The following DPP6 variants were observed in gnomAD, a reference collection of about 807,000 sequenced individuals.
DPP6 encodes the protein dipeptidyl peptidase like 6.
Under a neutral mutation model 122.6 loss-of-function variants are expected in DPP6, and 69 were observed. The ratio of observed to expected loss-of-function variants is 0.56; its 90% CI spans 0.46 to 0.69. The LOEUF (loss-of-function observed/expected upper bound fraction) is 0.69, where lower values mean the gene tolerates loss of function less well. Among genes scored for constraint, DPP6 ranks in the 30% least tolerant of loss-of-function variants. The probability of loss-of-function intolerance (pLI) is 0.00; values close to 1 mark genes in which losing one functional copy is unlikely to be tolerated. For missense variants in DPP6, 928 were observed against 1,116.9 expected (o/e 0.83, Z 2.41); for synonymous variants, 418 against 433.1 (o/e 0.97, Z 0.43).
At chr7:154,677,183 TCA>T (rs1432020157) in intron 7 of DPP6, among the ~76,000 whole-genome samples, 3 of 152,230 alleles carry the variant, frequency 2.0e-5, no homozygotes, top group African/African-American at 7.2e-5. Flanking sequence ...ATTTCCCACT[TCA>T]AGTGGACGGA....
At chr7:154,295,821 C>T (rs1444613707) in intron 1 of DPP6, among the ~76,000 whole-genome samples, 4 of 151,968 alleles carry the variant, frequency 2.6e-5, no homozygotes, top group African/African-American at 4.8e-5. Flanking sequence ...GTGTTTTGTG[C>T]GTATTTACAT....
At chr7:154,562,903 G>T (rs1283091543) in intron 4 of DPP6, among the ~76,000 whole-genome samples, 2 of 152,084 alleles carry the variant, frequency 1.3e-5, no homozygotes, top group African/African-American at 4.8e-5. Flanking sequence ...TCTGTATTCT[G>T]AAAACTGCAA....
chr7:154,585,734 A>T (rs1832398022), intron 5 of DPP6, among the ~76,000 whole-genome samples: 2 of 152,352 alleles, frequency 1.3e-5, no homozygotes, highest in Non-Finnish European at 1.5e-5. Context: ...ACAAGAAAAA[A>T]TCTGCACATG....
At chr7:154,489,696 C>A (rs920303344) in intron 3 of DPP6, among the ~76,000 whole-genome samples, 1 of 152,018 alleles carries the variant, frequency 6.6e-6, no homozygotes, top group Non-Finnish European at 1.5e-5. Flanking sequence ...CCCCTCTTCT[C>A]TGAATATTTT....
intron 1 of DPP6, among the ~76,000 whole-genome samples, chr7:154,393,486 G>T (rs897681528): frequency 6.6e-6 from 1 of 151,742 alleles, no homozygotes; most frequent in African/African-American, 2.4e-5. Context: ...TCTGGGACTT[G>T]GGACTTAAAA....
At chr7:153,999,755 T>G (rs1797601159) in intron 1 of DPP6, among the ~76,000 whole-genome samples, 1 of 152,172 alleles carries the variant, frequency 6.6e-6, no homozygotes, top group African/African-American at 2.4e-5. Flanking sequence ...GCTCAAGAGT[T>G]TGAGACTAGC....
intron 1 of DPP6, among the ~76,000 whole-genome samples, chr7:154,061,919 G>A (rs566920805): frequency 9.0e-6 from 1 of 111,050 alleles, no homozygotes; most frequent in African/African-American, 3.6e-5. Flanking sequence ...CCCTGGCTCT[G>A]AGGACCCCCA....
At chr7:154,677,062 T>C (rs1269430633) in intron 7 of DPP6, among the ~76,000 whole-genome samples, 1 of 152,260 alleles carries the variant, frequency 6.6e-6, no homozygotes, top group Non-Finnish European at 1.5e-5. Context: ...GCTTAAATTC[T>C]CCTCAGCCTT....
At chr7:154,429,837 G>A (rs1051967492) in intron 1 of DPP6, among the ~76,000 whole-genome samples, 1 of 152,196 alleles carries the variant, frequency 6.6e-6, no homozygotes, top group African/African-American at 2.4e-5. Flanking sequence ...CATCAGCAAT[G>A]CAGGTCGCGC....
rs552485719 is a variant in DPP6 at position 154,761,469 on chromosome 7, G to C, written c.884-7948G>C. On this transcript the variant is annotated intron_variant, in intron 8 of 25. Coordinates refer to ENST00000377770, the MANE Select transcript of DPP6 (RefSeq NM_130797.4). ...AAGCCATACCACCCTGTGTGAGGCC[G>C]TTCTTGCATTGCGATAAAGAAATCC... 6.5e-4 allele frequency among the ~76,000 whole-genome samples: 99 copies of C among 152,290 alleles called. 2 individuals carry two copies. The South Asian group carries it at 0.02, about 31-fold the overall frequency.
chr7:153,887,661 G>A (rs764940057), exon 1 of DPP6: 9 of 1,613,734 alleles, frequency 5.6e-6, no homozygotes, highest in South Asian at 2.2e-5. Context: ...TGGACCAGAA[G>A]TCGGGTTCGG....
chr7:153,888,705 CTTTTTTT>C (rs142238331), intron 1 of DPP6, among the ~76,000 whole-genome samples: 8 of 77,000 alleles, frequency 1.0e-4, no homozygotes, highest in Admixed American at 1.3e-4. Flanking sequence ...CTGGCTGGCA[CTTTTTTT>C]TTTTTTTTTT....
At chr7:154,774,468 C>A (rs929570311) in intron 10 of DPP6, among the ~76,000 whole-genome samples, 15 of 152,256 alleles carry the variant, frequency 9.9e-5, no homozygotes, top group Non-Finnish European at 1.8e-4. Flanking sequence ...CTCGTTTAGT[C>A]AATTTGGTGA....
intron 1 of DPP6, among the ~76,000 whole-genome samples, chr7:154,358,852 G>A (rs1471467531): frequency 2.0e-5 from 3 of 151,994 alleles, no homozygotes; most frequent in Non-Finnish European, 2.9e-5. Context: ...ATTACAGGCA[G>A]CCACCACCAT....
the DPP6 span, among the ~76,000 whole-genome samples, chr7:153,819,782 T>C: frequency 6.6e-6 from 1 of 152,242 alleles, no homozygotes; most frequent in South Asian, 2.1e-4. Context: ...TATATATGCA[T>C]ATTTTATCTC....
At chr7:154,309,256 A>G (rs576352478) in intron 1 of DPP6, among the ~76,000 whole-genome samples, 5 of 152,310 alleles carry the variant, frequency 3.3e-5, no homozygotes, top group East Asian at 1.9e-4. Flanking sequence ...CACACCTTGT[A>G]TATGTGACTG....
At chr7:154,202,816 G>T (rs1799241907) in intron 1 of DPP6, among the ~76,000 whole-genome samples, 1 of 152,144 alleles carries the variant, frequency 6.6e-6, no homozygotes, top group Non-Finnish European at 1.5e-5. Flanking sequence ...AAATAACAAA[G>T]GCATTTTGTC....
At chr7:154,450,151 A>G (rs1290362218) in intron 2 of DPP6, among the ~76,000 whole-genome samples, 1 of 152,212 alleles carries the variant, frequency 6.6e-6, no homozygotes, top group Non-Finnish European at 1.5e-5. Context: ...GAAACTTCAC[A>G]CTAAGTGAAG....
At chr7:154,127,650 CAG>C (rs879926930) in intron 1 of DPP6, among the ~76,000 whole-genome samples, 5,377 of 54,488 alleles carry the variant, frequency 0.099, 128 homozygotes, top group Middle Eastern at 0.16. Context: ...CACACACACA[CAG>C]ACACACACAC....
Sources: allele counts gnomAD v4.1 joint callset (sites outside exome capture counted in the v4.1 genomes callset), GRCh38; gene constraint gnomAD v4.1.1; transcripts MANE v1.5; gene names NCBI Gene and HGNC (gene_info 2026-07-23, HGNC 2026-07-21).